The following SPSB1 variants were observed in gnomAD, a reference collection of about 807,000 sequenced individuals.
The protein encoded by SPSB1 is splA/ryanodine receptor domain and SOCS box containing 1, also known as SPRY domain-containing SOCS box protein 1.
Under a neutral mutation model 21.2 loss-of-function variants are expected in SPSB1, and 8 were observed. The ratio of observed to expected loss-of-function variants is 0.38; its 90% CI spans 0.22 to 0.68. SPSB1 has a LOEUF of 0.68. SPSB1 is among the 30% of genes least tolerant of loss of function. The pLI is 0.53. For synonymous variants in SPSB1, 169 were observed against 161.7 expected (o/e 1.05, Z -0.34); for missense variants, 242 against 377.8 (o/e 0.64, Z 2.98).
chr1:9,307,132 T>G (rs576310520), intron 1 of SPSB1, among the ~76,000 whole-genome samples: 1 of 152,194 alleles, frequency 6.6e-6, no homozygotes, highest in South Asian at 2.1e-4. Context: ...TTCACCATGT[T>G]GGCCAGGCCG....
intron 2 of SPSB1, among the ~76,000 whole-genome samples, chr1:9,358,764 C>G (rs932362493): frequency 2.0e-5 from 3 of 152,154 alleles, no homozygotes; most frequent in African/African-American, 7.2e-5. Context: ...AGGAACATGC[C>G]CCCTGATGCT....
chr1:9,302,365 C>G (rs911215514), intron 1 of SPSB1, among the ~76,000 whole-genome samples: 2 of 152,188 alleles, frequency 1.3e-5, no homozygotes, highest in African/African-American at 2.4e-5. Context: ...AGTGGTTTGA[C>G]ATTGTGTAGA....
At chr1:9,336,512 C>T (rs1192417618) in intron 1 of SPSB1, among the ~76,000 whole-genome samples, 1 of 152,216 alleles carries the variant, frequency 6.6e-6, no homozygotes, top group Non-Finnish European at 1.5e-5. Context: ...AGGCGTGAGC[C>T]ACCACGTCCG....
intron 1 of SPSB1, among the ~76,000 whole-genome samples, chr1:9,333,161 T>C (rs1453835013): frequency 6.6e-6 from 1 of 152,222 alleles, no homozygotes; most frequent in Non-Finnish European, 1.5e-5. Flanking sequence ...AACCTTGGTC[T>C]GCCCTGTTCA....
chr1:9,316,856 AC>A (rs1304886925), intron 1 of SPSB1, among the ~76,000 whole-genome samples: 1 of 152,056 alleles, frequency 6.6e-6, no homozygotes, highest in Admixed American at 6.5e-5. Flanking sequence ...ACCTGGCCGG[AC>A]CTTGTGACCT....
intron 1 of SPSB1, among the ~76,000 whole-genome samples, chr1:9,311,940 G>C (rs1016484156): frequency 3.9e-5 from 6 of 152,176 alleles, no homozygotes; most frequent in African/African-American, 1.4e-4. Context: ...CCTTAAGCCA[G>C]TGGCTAAGTA....
chr1:9,308,642 G>A (rs987919331), intron 1 of SPSB1, among the ~76,000 whole-genome samples: 8 of 152,172 alleles, frequency 5.3e-5, no homozygotes, highest in Admixed American at 3.9e-4. Flanking sequence ...TGAGCCAGGC[G>A]CTATGCTTGC....
chr1:9,319,633 G>A (rs1213995945), intron 1 of SPSB1, among the ~76,000 whole-genome samples: 1 of 152,194 alleles, frequency 6.6e-6, no homozygotes, highest in East Asian at 1.9e-4. Flanking sequence ...GTACCGGGCT[G>A]GTATTCCGTT....
intron 1 of SPSB1, among the ~76,000 whole-genome samples, chr1:9,352,924 G>T (rs1426134571): frequency 6.6e-6 from 1 of 150,660 alleles, no homozygotes; most frequent in Non-Finnish European, 1.5e-5. Flanking sequence ...GATCCCGGGA[G>T]AAAGGTCCTC....
At chr1:9,342,966 C>G (rs1202416002) in intron 1 of SPSB1, among the ~76,000 whole-genome samples, 1 of 152,236 alleles carries the variant, frequency 6.6e-6, no homozygotes, top group Non-Finnish European at 1.5e-5. Flanking sequence ...TTCTGTGCCT[C>G]TCTCTGCCCT....
intron 1 of SPSB1, among the ~76,000 whole-genome samples, chr1:9,336,310 C>T (rs1640003060): frequency 6.6e-6 from 1 of 151,120 alleles, no homozygotes. Context: ...TCACTGCAAC[C>T]TCTGCCTCCG....
At chr1:9,304,554 A>G (rs1365620691) in intron 1 of SPSB1, among the ~76,000 whole-genome samples, 2 of 152,204 alleles carry the variant, frequency 1.3e-5, no homozygotes, top group Non-Finnish European at 2.9e-5. Flanking sequence ...AGCTTGTGGC[A>G]TCTCCAAGGT....
rs971314448 is a variant in SPSB1, at chr1:9,293,625, C to G, written c.-150+554C>G. On this transcript the variant is annotated intron_variant, in intron 1 of 2. Transcript: ENST00000328089. The surrounding 1 kb of genome is among the most constrained non-coding windows in gnomAD (Gnocchi z 5.1). ...CCGAGCGCCGCCCTCCCCGCCGCCC[C>G]GGAGCCGCCGCGGCTTCTCCCAGCA... Among the ~76,000 whole-genome samples the G allele has an allele frequency of 6.6e-5, 10 of 152,142 alleles. No homozygotes were observed. Among genetic ancestry groups the G allele is most frequent in the African/African-American group, 1.9e-4 (8 of 41,434 alleles).
chr1:9,368,535 C>G lies in SPSB1; in HGVS notation c.*960C>G, dbSNP rs998850010. 1 of 152,198 alleles carries G rather than the reference C, an allele frequency of 6.6e-6. No homozygotes were observed. The highest frequency in any genetic ancestry group is 1.5e-5 in the Non-Finnish European group (1 of 68,042). 9.4% of individuals were successfully genotyped at this position (152,198 alleles called of 1,614,324 possible). A position where few individuals can be genotyped will look rare whatever the true frequency, so the allele number is the denominator to read the frequency against. On this transcript the variant is annotated 3_prime_UTR_variant, in exon 3 of 3. Coordinates refer to ENST00000328089, the MANE Select transcript of SPSB1 (RefSeq NM_025106.4). The stretch of plus-strand genomic sequence containing the variant: ...CCAGCTAACTCTTGGGCTCAGGCAC[C>G]CTTGCACAGGGTTGCATTTCTTTAG...
chr1:9,310,536 T>G (rs991149674), intron 1 of SPSB1, among the ~76,000 whole-genome samples: 5 of 151,994 alleles, frequency 3.3e-5, no homozygotes, highest in Non-Finnish European at 5.9e-5. Flanking sequence ...CTACTAAAAA[T>G]ACAGAAAAAT....
intron 1 of SPSB1, among the ~76,000 whole-genome samples, chr1:9,329,961 G>A (rs1396145132): frequency 6.6e-6 from 1 of 152,194 alleles, no homozygotes; most frequent in Non-Finnish European, 1.5e-5. Context: ...GTGGATGACA[G>A]GACAGCGGGT....
chr1:9,350,230 T>C (rs1450950542), intron 1 of SPSB1, among the ~76,000 whole-genome samples: 8 of 152,218 alleles, frequency 5.3e-5, no homozygotes. Flanking sequence ...CACCAGACAT[T>C]GGACCCCTGC....
At chr1:9,319,180 C>CA (rs1491532327) in intron 1 of SPSB1, among the ~76,000 whole-genome samples, 33 of 150,990 alleles carry the variant, frequency 2.2e-4, no homozygotes, top group Admixed American at 8.6e-4. Context: ...GACTCCATCT[C>CA]AAAAAAAACA....
rs543486854 is a variant in SPSB1 at position 9,317,939 on chromosome 1, G to A, written c.-150+24868G>A. Among the ~76,000 whole-genome samples the A allele has an allele frequency of 6.6e-6, 1 of 152,210 alleles. No homozygotes were observed. Among genetic ancestry groups the A allele is most frequent in the South Asian group, 2.1e-4 (1 of 4,812 alleles). ...CATTCGCTCCGCGAGTTTGTTAAGG[G>A]CCCCTGTGTGCCAGGCTCGGCCCGA... On this transcript the variant is annotated intron_variant, in intron 1 of 2. Transcript: ENST00000328089. The surrounding 1 kb of genome is among the most constrained non-coding windows in gnomAD (Gnocchi z 4.3).
Sources: gnomAD v4.1 joint callset for allele counts (sites outside exome capture counted in the v4.1 genomes callset) on GRCh38, gnomAD v4.1.1 for gene constraint, Gnocchi (gnomAD v3.1) non-coding constraint, MANE v1.5 for transcripts, NCBI Gene and HGNC (gene_info 2026-07-23, HGNC 2026-07-21) for gene names.